NCAM2: variants seen among roughly 807,000 people sequenced by gnomAD.
NCAM2 encodes N-CAM-2.
Under a neutral mutation model 98.1 loss-of-function variants are expected in NCAM2, and 30 were observed. The ratio of observed to expected loss-of-function variants is 0.31; its 90% CI spans 0.23 to 0.41. NCAM2 has a LOEUF of 0.41. Among genes scored for constraint, NCAM2 ranks in the 10% least tolerant of loss-of-function variants. The probability of loss-of-function intolerance (pLI) is 1.00; values close to 1 mark genes in which losing one functional copy is unlikely to be tolerated. For synonymous variants in NCAM2, 368 were observed against 342.4 expected, an observed-to-expected ratio of 1.07 and a Z score of -0.83; for missense variants, 867 against 1,005.8, an observed-to-expected ratio of 0.86 and a Z score of 1.87.
chr21:21,373,481 T>C (rs76276052), intron 8 of NCAM2, among the ~76,000 whole-genome samples: 2,673 of 151,960 alleles, frequency 0.018, 79 homozygotes, highest in East Asian at 0.14. Flanking sequence ...CACAGGATAT[T>C]GTGGAGAGTA....
intron 8 of NCAM2, among the ~76,000 whole-genome samples, chr21:21,346,745 T>C (rs190791332): frequency 6.6e-6 from 1 of 151,928 alleles, no homozygotes; most frequent in Non-Finnish European, 1.5e-5. Flanking sequence ...TAAAAATACA[T>C]GGAAATTAAA....
chr21:21,319,783 C>T (rs1377084974), intron 5 of NCAM2, among the ~76,000 whole-genome samples: 1 of 151,876 alleles, frequency 6.6e-6, no homozygotes, highest in African/African-American at 2.4e-5. Flanking sequence ...AATCAGGTTC[C>T]TTTGGCAAAT....
At chr21:21,050,236 A>C (rs544908916) in intron 1 of NCAM2, among the ~76,000 whole-genome samples, 1 of 152,228 alleles carries the variant, frequency 6.6e-6, no homozygotes, top group Non-Finnish European at 1.5e-5. Flanking sequence ...GACCTAAAAA[A>C]GTGAAAGGAT....
intron 1 of NCAM2, among the ~76,000 whole-genome samples, chr21:21,137,728 A>G (rs564966760): frequency 6.6e-6 from 1 of 152,370 alleles, no homozygotes; most frequent in Non-Finnish European, 1.5e-5. Context: ...ATTGCACTCA[A>G]GCCTAGGCAA....
chr21:21,144,810 T>C (rs1166531563), intron 1 of NCAM2, among the ~76,000 whole-genome samples: 1 of 152,146 alleles, frequency 6.6e-6, no homozygotes, highest in Non-Finnish European at 1.5e-5. Flanking sequence ...CTAGTCTTGC[T>C]AGATGCATCT....
At chr21:21,208,279 C>T (rs911113361) in intron 1 of NCAM2, among the ~76,000 whole-genome samples, 6 of 152,096 alleles carry the variant, frequency 3.9e-5, no homozygotes, top group African/African-American at 1.4e-4. Flanking sequence ...AGTCAACTGA[C>T]AATGAATAAA....
intron 1 of NCAM2, among the ~76,000 whole-genome samples, chr21:21,249,043 C>T (rs955716537): frequency 2.6e-5 from 4 of 151,832 alleles, no homozygotes; most frequent in African/African-American, 9.7e-5. Context: ...CATTTTTTAT[C>T]CCTGATCTAG....
intron 1 of NCAM2, among the ~76,000 whole-genome samples, chr21:21,045,036 G>T (rs1381990676): frequency 6.6e-6 from 1 of 152,160 alleles, no homozygotes; most frequent in African/African-American, 2.4e-5. Flanking sequence ...AAATATGTGT[G>T]TGTGCATCCT....
chr21:21,147,848 G>A lies in NCAM2; in HGVS notation c.56-132730G>A, dbSNP rs146841585. ...GTTTATAAAATACCCTATTTATATAGGATATTTAAATTAGGATAATTTTTC... is the reference window on the plus strand; with the variant it reads ...GTTTATAAAATACCCTATTTATATAAGATATTTAAATTAGGATAATTTTTC... On this transcript the variant is annotated intron_variant, in intron 1 of 17. Coordinates refer to ENST00000400546, the MANE Select transcript of NCAM2 (RefSeq NM_004540.5). Among the ~76,000 whole-genome samples the A allele has an allele frequency of 6.7e-5, 10 of 150,348 alleles. No individual in the cohort carries two copies. The East Asian group carries it at 1.9e-3, about 29-fold the overall frequency.
At chr21:21,419,305 C>CTTTTTTTT (rs34109924) in intron 11 of NCAM2, among the ~76,000 whole-genome samples, 1 of 99,958 alleles carries the variant, frequency 1.0e-5, no homozygotes. Context: ...AAATAGGGAA[C>CTTTTTTTT]TTTTTTTTTT....
At chr21:21,426,663 G>A (rs746973731) in intron 11 of NCAM2, among the ~76,000 whole-genome samples, 3 of 152,120 alleles carry the variant, frequency 2.0e-5, no homozygotes, top group African/African-American at 4.8e-5. Flanking sequence ...GGATGAATAG[G>A]CTGTGGAATG....
intron 1 of NCAM2, among the ~76,000 whole-genome samples, chr21:21,278,732 G>A (rs1045266747): frequency 2.0e-5 from 3 of 152,126 alleles, no homozygotes; most frequent in African/African-American, 7.2e-5. Flanking sequence ...AACAATTTAA[G>A]GTGGAGACTG....
chr21:21,310,623 A>T (rs935677164), intron 5 of NCAM2, among the ~76,000 whole-genome samples: 1 of 152,204 alleles, frequency 6.6e-6, no homozygotes, highest in African/African-American at 2.4e-5. Flanking sequence ...ACTGTTACAA[A>T]ACACAATGAC....
chr21:21,023,456 G>A (rs933800303), intron 1 of NCAM2, among the ~76,000 whole-genome samples: 9 of 151,582 alleles, frequency 5.9e-5, no homozygotes, highest in Non-Finnish European at 7.4e-5. Context: ...TCTGGGAGGC[G>A]GAGGTTGCAG....
intron 1 of NCAM2, among the ~76,000 whole-genome samples, chr21:21,202,949 G>C (rs1039608408): frequency 1.3e-5 from 2 of 152,054 alleles, no homozygotes; most frequent in East Asian, 3.9e-4. Context: ...ATCAGATATG[G>C]TTATTTGCCA....
chr21:21,452,689 T>C (rs186100304), intron 12 of NCAM2, among the ~76,000 whole-genome samples: 5,739 of 112,328 alleles, frequency 0.051, 202 homozygotes, highest in African/African-American at 0.081. Context: ...TATATATTTA[T>C]ATATCATTTT....
chr21:21,403,633 A>G (rs534249379), intron 9 of NCAM2, among the ~76,000 whole-genome samples: 1 of 152,318 alleles, frequency 6.6e-6, no homozygotes, highest in South Asian at 2.1e-4. Context: ...GTACAATCAA[A>G]TATATCATTC....
At chr21:21,402,118 A>G (rs1241631025) in intron 9 of NCAM2, among the ~76,000 whole-genome samples, 1 of 152,170 alleles carries the variant, frequency 6.6e-6, no homozygotes, top group Non-Finnish European at 1.5e-5. Context: ...TGAACAGAAT[A>G]ACAGCGATTT....
At chr21:21,338,900 G>A (rs899833421) in intron 8 of NCAM2, among the ~76,000 whole-genome samples, 11 of 151,976 alleles carry the variant, frequency 7.2e-5, no homozygotes, top group Non-Finnish European at 1.5e-5. Flanking sequence ...AAAAGTGCTA[G>A]GACAAATAAT....
Sources: allele counts gnomAD v4.1 joint callset (sites outside exome capture counted in the v4.1 genomes callset), GRCh38; gene constraint gnomAD v4.1.1; transcripts MANE v1.5; gene names NCBI Gene and HGNC (gene_info 2026-07-23, HGNC 2026-07-21).